The following TSPEAR variants were observed in gnomAD, a reference collection of about 807,000 sequenced individuals.
TSPEAR encodes thrombospondin-type laminin G domain and EAR repeat-containing protein.
Under a neutral mutation model 71.6 loss-of-function variants are expected in TSPEAR, and 69 were observed. The observed-to-expected ratio is 0.96, with a 90% confidence interval of 0.79 to 1.18. TSPEAR has a LOEUF of 1.18. Ranked by LOEUF, TSPEAR falls within the 50% of genes most tolerant of loss-of-function variation. The pLI, the probability that TSPEAR is intolerant of heterozygous loss-of-function variation, is 0.00. For missense variants in TSPEAR, 971 were observed against 894.9 expected (o/e 1.09, Z -1.09); for synonymous variants, 402 against 387.2 (o/e 1.04, Z -0.45).
At chr21:44,503,032 CGG>C (rs1481307491) in intron 11 of TSPEAR, among the ~76,000 whole-genome samples, 4 of 129,482 alleles carry the variant, frequency 3.1e-5, no homozygotes, top group South Asian at 2.7e-4. Flanking sequence ...GGTGAGCCCT[CGG>C]GGGGAAGCAA....
At chr21:44,538,996 G>A in intron 2 of TSPEAR, 1 of 546,656 alleles carries the variant, frequency 1.8e-6, no homozygotes, top group Non-Finnish European at 3.3e-6. Context: ...TGACCAAGGA[G>A]AGTTTATTGG....
intron 2 of TSPEAR, among the ~76,000 whole-genome samples, chr21:44,565,097 A>G (rs938229472): frequency 8.5e-5 from 13 of 152,160 alleles, no homozygotes; most frequent in Non-Finnish European, 1.6e-4. Context: ...ATGAATAAAA[A>G]TGAAACCCAA....
chr21:44,624,752 T>A (rs1555934027), intron 1 of TSPEAR, among the ~76,000 whole-genome samples: 3 of 152,242 alleles, frequency 2.0e-5, no homozygotes. Flanking sequence ...TCCAATTGTA[T>A]GAGACTACTA....
Position 44,642,015 on chromosome 21 carries a change from A to G in TSPEAR, c.82+69418T>C, listed in dbSNP as rs1984047079. Among the ~76,000 whole-genome samples, 1 of 152,270 alleles carries G rather than the reference A, an allele frequency of 6.6e-6. No individual in the cohort carries two copies. Among genetic ancestry groups the G allele is most frequent in the Non-Finnish European group, 1.5e-5 (1 of 68,052 alleles). ...AGGAAAATCTAAAGAAAATAAAAAT[A>G]AAGTCTAATAAAAATAAGCAGACAT... is the stretch of plus-strand genomic sequence containing the variant. On this transcript the variant is annotated intron_variant, in intron 1 of 11. Coordinates refer to ENST00000323084, the MANE Select transcript of TSPEAR (RefSeq NM_144991.3). This position sits in a 1 kb window ranked among gnomAD's most constrained non-coding sequence, Gnocchi z 4.1.
At chr21:44,702,767 G>C in intron 1 of TSPEAR, 1 of 1,348,758 alleles carries the variant, frequency 7.4e-7, no homozygotes, top group Non-Finnish European at 1.1e-6. Context: ...CTGGCCTGCT[G>C]AGGCCTCTGC....
chr21:44,668,837 C>A (rs1485609215), intron 1 of TSPEAR, among the ~76,000 whole-genome samples: 1 of 152,196 alleles, frequency 6.6e-6, no homozygotes, highest in Non-Finnish European at 1.5e-5. Context: ...GATATCCACA[C>A]ACAAAAGATT....
intron 9 of TSPEAR, among the ~76,000 whole-genome samples, chr21:44,514,744 G>A (rs1179036903): frequency 1.3e-5 from 2 of 152,172 alleles, no homozygotes; most frequent in Non-Finnish European, 2.9e-5. Context: ...GTCATTGGAG[G>A]CCTGGTGTCT....
chr21:44,516,349 G>C (rs989655854), intron 9 of TSPEAR: 1 of 152,412 alleles, frequency 6.6e-6, no homozygotes, highest in African/African-American at 2.4e-5. Context: ...GGCACCTGAA[G>C]GCAGAGCTGC....
chr21:44,540,224 C>CTGAG lies in TSPEAR; in HGVS notation c.304-6305_304-6302dup, dbSNP rs374519756. 9.0e-4 allele frequency: 1,408 copies of CTGAG among 1,572,004 alleles called. 9 individuals carry two copies. The Middle Eastern group carries it at 0.016, about 18-fold the overall frequency. ...TGGGAGTCAGTGTGTGTGTGAGTGA[C>CTGAG]TGAGTGTGTGAGTGAGTGTGTGAGC... On this transcript the variant is annotated intron_variant, in intron 2 of 11. Coordinates refer to ENST00000323084, the MANE Select transcript of TSPEAR (RefSeq NM_144991.3).
rs372541795 is a variant in TSPEAR, at chr21:44,682,025, G to A, written c.82+29408C>T. 102 of 1,614,006 alleles carry A rather than the reference G, an allele frequency of 6.3e-5. 1 individual carries two copies. In the East Asian group the frequency reaches 9.8e-4, roughly 16 times the overall value. On this transcript the variant is annotated intron_variant, in intron 1 of 11. Coordinates refer to ENST00000323084, the MANE Select transcript of TSPEAR (RefSeq NM_144991.3). ...GCTTGAAGCTCACGGGCACGCACACGGAGGACTGGCAGCCCACGGGGATGT... is the reference window on the plus strand; with the variant it reads ...GCTTGAAGCTCACGGGCACGCACACAGAGGACTGGCAGCCCACGGGGATGT...
intron 1 of TSPEAR, among the ~76,000 whole-genome samples, chr21:44,637,028 G>A (rs587721130): frequency 3.9e-5 from 6 of 152,336 alleles, no homozygotes; most frequent in Admixed American, 2.6e-4. Context: ...TGCAGACAGA[G>A]GCTGGGCCTC....
intron 1 of TSPEAR, among the ~76,000 whole-genome samples, chr21:44,667,527 A>C (rs9979168): frequency 0.18 from 26,655 of 152,162 alleles, 2,566 homozygotes; most frequent in Non-Finnish European, 0.21. Flanking sequence ...AGATGAGACA[A>C]CACCACTGGC....
chr21:44,658,314 G>T, intron 1 of TSPEAR: 1 of 1,575,494 alleles, frequency 6.3e-7, no homozygotes, highest in African/African-American at 1.3e-5. Flanking sequence ...GTATCCCTCC[G>T]TGAATAAGCA....
chr21:44,530,213 C>T (rs1192467743), intron 4 of TSPEAR, among the ~76,000 whole-genome samples: 2 of 152,226 alleles, frequency 1.3e-5, no homozygotes, highest in African/African-American at 4.8e-5. Context: ...TGACTGGCTA[C>T]TCTGCTCATC....
chr21:44,541,770 C>T (rs1257905688), intron 2 of TSPEAR, among the ~76,000 whole-genome samples: 1 of 152,216 alleles, frequency 6.6e-6, no homozygotes, highest in East Asian at 1.9e-4. Context: ...GAAGGAAAAA[C>T]CAGAAAGAAT....
chr21:44,503,373 G>C (rs111925607), intron 11 of TSPEAR, among the ~76,000 whole-genome samples: 9,132 of 127,108 alleles, frequency 0.072, 419 homozygotes, highest in East Asian at 0.14. Context: ...AGCCGGCCTC[G>C]GTGAGCCCTC....
At chr21:44,707,014 C>A (rs1330042158) in intron 1 of TSPEAR, among the ~76,000 whole-genome samples, 2 of 152,262 alleles carry the variant, frequency 1.3e-5, no homozygotes, top group Non-Finnish European at 2.9e-5. Context: ...CGCCCCTGCC[C>A]GGCTTTCCTA....
At position 44,676,921 on chromosome 21, in the gene TSPEAR, C is replaced by T. The variant is rs142910742; in HGVS notation, c.82+34512G>A. On this transcript the variant is annotated intron_variant, in intron 1 of 11. Transcript: ENST00000323084. ...CAGCTGATCGATGTGACGATGTGCA[C>T]GGGCAATCAGGGAGTTCAGATCATC... 3,655 of 883,664 alleles carry T rather than the reference C, an allele frequency of 4.1e-3. 16 individuals are homozygous for T. Among genetic ancestry groups the T allele is most frequent in the Non-Finnish European group, 5.8e-3 (2,978 of 515,232 alleles). 54.7% of individuals were successfully genotyped at this position (883,664 alleles called of 1,614,324 possible). A position where few individuals can be genotyped will look rare whatever the true frequency, so the allele number is the denominator to read the frequency against.
intron 1 of TSPEAR, chr21:44,658,206 G>A (rs1555942958): frequency 6.2e-7 from 1 of 1,614,132 alleles, no homozygotes; most frequent in Admixed American, 1.7e-5. Context: ...TCGGGGTGCT[G>A]CCAGCCCCCC....
Sources: allele counts gnomAD v4.1 joint callset (sites outside exome capture counted in the v4.1 genomes callset), GRCh38; gene constraint gnomAD v4.1.1; non-coding constraint Gnocchi (gnomAD v3.1); transcripts MANE v1.5; gene names NCBI Gene and HGNC (gene_info 2026-07-23, HGNC 2026-07-21).